The following TBC1D22A variants were observed in gnomAD, a reference collection of about 807,000 sequenced individuals.
TBC1D22A encodes putative GTPase activator.
In TBC1D22A, 38 loss-of-function variants were observed where a neutral mutation model predicts 60.2. The ratio of observed to expected loss-of-function variants is 0.63; its 90% CI spans 0.49 to 0.83. The LOEUF (loss-of-function observed/expected upper bound fraction) is 0.83. TBC1D22A is among the 40% of genes least tolerant of loss of function. The pLI, the probability that TBC1D22A is intolerant of heterozygous loss-of-function variation, is 0.00. For synonymous variants in TBC1D22A, 302 were observed against 281.7 expected (o/e 1.07, Z -0.72); for missense variants, 628 against 701.0 (o/e 0.90, Z 1.18).
intron 9 of TBC1D22A, among the ~76,000 whole-genome samples, chr22:46,991,291 G>A (rs768802643): frequency 6.6e-6 from 1 of 152,162 alleles, no homozygotes; most frequent in Admixed American, 6.5e-5. Context: ...GCCGAGCCCC[G>A]TCCTTGGCCC....
intron 12 of TBC1D22A, among the ~76,000 whole-genome samples, chr22:47,165,019 G>A (rs570287831): frequency 1.3e-5 from 2 of 152,268 alleles, no homozygotes; most frequent in South Asian, 4.2e-4. Flanking sequence ...CAGTGAGACC[G>A]AGAGGGGCCT....
intron 12 of TBC1D22A, among the ~76,000 whole-genome samples, chr22:47,167,371 T>G (rs1477934493): frequency 1.3e-5 from 2 of 152,206 alleles, no homozygotes; most frequent in African/African-American, 4.8e-5. Context: ...GGAGTTATTA[T>G]TTTTCTGGCT....
chr22:47,119,566 G>A (rs969700093), intron 12 of TBC1D22A, among the ~76,000 whole-genome samples: 15 of 151,196 alleles, frequency 9.9e-5, no homozygotes, highest in Non-Finnish European at 1.8e-4. Context: ...GGGCGATCTC[G>A]GCTCGCTGCA....
intron 8 of TBC1D22A, among the ~76,000 whole-genome samples, chr22:46,961,644 A>G (rs955150035): frequency 9.2e-5 from 14 of 152,178 alleles, no homozygotes; most frequent in African/African-American, 3.1e-4. Context: ...GCTTAAAGTC[A>G]TTTCTTCAGG....
At chr22:47,107,127 G>C (rs2065664478) in intron 11 of TBC1D22A, among the ~76,000 whole-genome samples, 1 of 152,168 alleles carries the variant, frequency 6.6e-6, no homozygotes. Context: ...AAATATACAT[G>C]TTAAAATTTG....
At chr22:46,989,407 A>G (rs1057385292) in intron 9 of TBC1D22A, among the ~76,000 whole-genome samples, 3 of 151,924 alleles carry the variant, frequency 2.0e-5, no homozygotes, top group Non-Finnish European at 2.9e-5. Context: ...CTTCCTCACC[A>G]AGCGTAATCT....
chr22:47,112,228 A>G (rs773623544), intron 12 of TBC1D22A, among the ~76,000 whole-genome samples: 1 of 152,144 alleles, frequency 6.6e-6, no homozygotes, highest in Non-Finnish European at 1.5e-5. Context: ...CACACTGTGG[A>G]CTGTTGGCCC....
At chr22:47,160,398 G>A (rs1008474738) in intron 12 of TBC1D22A, among the ~76,000 whole-genome samples, 5 of 152,326 alleles carry the variant, frequency 3.3e-5, no homozygotes, top group South Asian at 4.1e-4. Context: ...GATCCTACCC[G>A]CCTGGGAGAA....
At chr22:46,795,407 G>C (rs1203874379) in intron 3 of TBC1D22A, among the ~76,000 whole-genome samples, 1 of 152,226 alleles carries the variant, frequency 6.6e-6, no homozygotes, top group Non-Finnish European at 1.5e-5. Flanking sequence ...TGGGGGATCT[G>C]ACAAGAGGCA....
intron 4 of TBC1D22A, among the ~76,000 whole-genome samples, chr22:46,875,731 G>A (rs1459812468): frequency 6.6e-6 from 1 of 152,158 alleles, no homozygotes; most frequent in Non-Finnish European, 1.5e-5. Context: ...GATTACAGGT[G>A]TGAGCCACTG....
At chr22:46,860,778 G>A (rs947614370) in intron 4 of TBC1D22A, among the ~76,000 whole-genome samples, 1 of 152,164 alleles carries the variant, frequency 6.6e-6, no homozygotes, top group East Asian at 1.9e-4. Context: ...GCTGCCAGGC[G>A]GGTCTCCTGG....
intron 12 of TBC1D22A, among the ~76,000 whole-genome samples, chr22:47,130,333 C>A (rs540747805): frequency 2.0e-5 from 3 of 152,214 alleles, no homozygotes; most frequent in Admixed American, 2.0e-4. Context: ...GGGCTCCCCC[C>A]AAGCGCAGCC....
chr22:46,954,119 G>A (rs1224222034), intron 8 of TBC1D22A, among the ~76,000 whole-genome samples: 3 of 151,994 alleles, frequency 2.0e-5, no homozygotes, highest in Non-Finnish European at 4.4e-5. Context: ...AAGTCCACAG[G>A]GCCCATAGGC....
chr22:47,100,647 C>T (rs989159846), intron 11 of TBC1D22A, among the ~76,000 whole-genome samples: 1 of 152,176 alleles, frequency 6.6e-6, no homozygotes, highest in Non-Finnish European at 1.5e-5. Flanking sequence ...TTTGGCCTGC[C>T]ACCATCCACG....
At chr22:47,006,188 G>T (rs921794880) in intron 10 of TBC1D22A, among the ~76,000 whole-genome samples, 2 of 152,206 alleles carry the variant, frequency 1.3e-5, no homozygotes, top group African/African-American at 4.8e-5. Context: ...TGATGTGTCA[G>T]AGGAGGGTCA....
intron 4 of TBC1D22A, among the ~76,000 whole-genome samples, chr22:46,845,161 C>G (rs1424492808): frequency 1.3e-5 from 2 of 152,224 alleles, no homozygotes; most frequent in East Asian, 3.8e-4. Context: ...AAGAACGTAA[C>G]AGTGGGATAT....
intron 12 of TBC1D22A, among the ~76,000 whole-genome samples, chr22:47,135,312 T>A (rs1241730949): frequency 6.6e-6 from 1 of 152,108 alleles, no homozygotes; most frequent in Non-Finnish European, 1.5e-5. Flanking sequence ...GCTGATTCCT[T>A]CATTTAGCAG....
chr22:46,856,510 G>A (rs781763261), intron 4 of TBC1D22A, among the ~76,000 whole-genome samples: 6 of 152,214 alleles, frequency 3.9e-5, no homozygotes, highest in Non-Finnish European at 8.8e-5. Flanking sequence ...TGAAATAGCA[G>A]TAGCCTTTCC....
At position 46,990,282 on chromosome 22, in the gene TBC1D22A, ATTTG is replaced by A. The variant is rs1361019686; in HGVS notation, c.1126-7349_1126-7346del. Among the ~76,000 whole-genome samples the A allele has an allele frequency of 1.3e-5, 2 of 151,452 alleles. No individual in the cohort carries two copies. The highest frequency in any genetic ancestry group is 4.9e-5 in the African/African-American group (2 of 41,150). On this transcript the variant is annotated intron_variant, in intron 9 of 12. Transcript: ENST00000337137. The surrounding 1 kb of genome is among the most constrained non-coding windows in gnomAD (Gnocchi z 4.6). ...TTCCTATTTACTTTCATCTTTTCTT[ATTTG>A]TTCTTTTTTCCCTACCTTCTTTGGA...
Sources: allele counts gnomAD v4.1 joint callset (sites outside exome capture counted in the v4.1 genomes callset), GRCh38; gene constraint gnomAD v4.1.1; non-coding constraint Gnocchi (gnomAD v3.1); transcripts MANE v1.5; gene names NCBI Gene and HGNC (gene_info 2026-07-23, HGNC 2026-07-21).